The following MECOM variants were observed in gnomAD, a reference collection of about 807,000 sequenced individuals.
The protein encoded by MECOM is histone-lysine N-methyltransferase MECOM.
A neutral mutation model predicts 116.3 loss-of-function variants in MECOM; 13 were observed. The ratio of observed to expected loss-of-function variants is 0.11; its 90% CI spans 0.07 to 0.18. The LOEUF is 0.18. MECOM is among the 10% of genes least tolerant of loss of function. The pLI is 1.00. For synonymous variants in MECOM, 528 were observed against 535.2 expected (o/e 0.99, Z 0.19); for missense variants, 1,299 against 1,509.0 (o/e 0.86, Z 2.31).
chr3:169,145,882 C>T (rs1389945583), intron 2 of MECOM: 2 of 214,194 alleles, frequency 9.3e-6, no homozygotes, highest in Non-Finnish European at 1.9e-5. Flanking sequence ...ATCTGTTATA[C>T]GATTATTCAA....
chr3:169,400,599 T>A (rs772149930), intron 1 of MECOM, among the ~76,000 whole-genome samples: 2 of 152,110 alleles, frequency 1.3e-5, no homozygotes, highest in African/African-American at 4.8e-5. Context: ...TAAATAGAGG[T>A]GAAATTCGAG....
At chr3:169,542,683 T>C (rs1760233871) in intron 1 of MECOM, among the ~76,000 whole-genome samples, 1 of 152,184 alleles carries the variant, frequency 6.6e-6, no homozygotes, top group African/African-American at 2.4e-5. Flanking sequence ...ATTCAAACAA[T>C]GAGAGGCTAA....
At chr3:169,570,082 T>A (rs1364266932) in intron 1 of MECOM, among the ~76,000 whole-genome samples, 1 of 151,728 alleles carries the variant, frequency 6.6e-6, no homozygotes. Flanking sequence ...AATAGATAGA[T>A]CGCTAGCCAG....
intron 1 of MECOM, among the ~76,000 whole-genome samples, chr3:169,657,007 C>T (rs1775618868): frequency 1.3e-5 from 2 of 152,160 alleles, no homozygotes; most frequent in Non-Finnish European, 2.9e-5. Flanking sequence ...TATATATTTA[C>T]TCCTTCCAAC....
intron 2 of MECOM, among the ~76,000 whole-genome samples, chr3:169,344,386 AGT>A (rs1560156036): frequency 6.6e-6 from 1 of 152,194 alleles, no homozygotes; most frequent in African/African-American, 2.4e-5. Context: ...CATCAACTAC[AGT>A]GTGTTTCTCA....
chr3:169,618,212 G>A (rs1020375136), intron 1 of MECOM, among the ~76,000 whole-genome samples: 1 of 152,158 alleles, frequency 6.6e-6, no homozygotes, highest in Non-Finnish European at 1.5e-5. Flanking sequence ...ACTTGTCTAA[G>A]AAGGCCCAAC....
chr3:169,360,322 AAAAAAAAAAG>A lies in MECOM; in HGVS notation c.375+20855_375+20864del, dbSNP rs1447678982. ...AAAAAAAAAAAAAAAGTTACACCAA[AAAAAAAAAAG>A]AAAAAAAAAAAGAAAAAAGCTCCTA... On this transcript the variant is annotated intron_variant, in intron 2 of 16. Coordinates refer to ENST00000651503, the MANE Select transcript of MECOM (RefSeq NM_004991.4). 1.8e-4 allele frequency among the ~76,000 whole-genome samples: 27 copies of A among 147,796 alleles called. No homozygotes were observed. In the East Asian group the frequency reaches 2.6e-3, roughly 14 times the overall value.
chr3:169,525,398 T>G (rs1757849922), intron 1 of MECOM, among the ~76,000 whole-genome samples: 1 of 152,234 alleles, frequency 6.6e-6, no homozygotes, highest in African/African-American at 2.4e-5. Context: ...GCTATGTGAG[T>G]AAATCTTTCG....
chr3:169,131,550 G>A lies in MECOM; in HGVS notation c.511-19C>T. ...AGAATATCTTTAAAGACAAAATAAA[G>A]GTGGATGGAATCAGGAAAGAGAGAG... On this transcript the variant is annotated intron_variant, in intron 3 of 16. Transcript: ENST00000651503. The A allele has an allele frequency of 6.3e-7, 1 of 1,584,170 alleles. No homozygotes were observed.
At chr3:169,375,024 C>A (rs1168838104) in intron 2 of MECOM, among the ~76,000 whole-genome samples, 2 of 151,676 alleles carry the variant, frequency 1.3e-5, no homozygotes, top group Non-Finnish European at 2.9e-5. Context: ...CAAAGGGAGA[C>A]CCTGTCTCTA....
At chr3:169,135,118 T>C (rs1361378489) in intron 3 of MECOM, among the ~76,000 whole-genome samples, 2 of 152,132 alleles carry the variant, frequency 1.3e-5, no homozygotes, top group Non-Finnish European at 2.9e-5. Context: ...GTGAATTACA[T>C]ACCATCTGTG....
At chr3:169,592,827 A>G (rs1264499553) in intron 1 of MECOM, among the ~76,000 whole-genome samples, 2 of 147,028 alleles carry the variant, frequency 1.4e-5, no homozygotes, top group Non-Finnish European at 2.9e-5. Context: ...AGACACACAT[A>G]CACACATACA....
chr3:169,157,511 T>G (rs1028511682), intron 2 of MECOM, among the ~76,000 whole-genome samples: 5 of 152,198 alleles, frequency 3.3e-5, no homozygotes, highest in Non-Finnish European at 1.5e-5. Context: ...ATGATACATA[T>G]CAAATGGTAA....
intron 1 of MECOM, among the ~76,000 whole-genome samples, chr3:169,591,132 A>C (rs765679954): frequency 8.5e-5 from 13 of 152,200 alleles, no homozygotes; most frequent in Non-Finnish European, 1.3e-4. Context: ...ACACTACCTC[A>C]TCGAGAATAG....
chr3:169,202,763 T>A (rs1749335658), intron 2 of MECOM, among the ~76,000 whole-genome samples: 1 of 149,600 alleles, frequency 6.7e-6, no homozygotes, highest in Admixed American at 6.8e-5. Context: ...ACCCAACTCT[T>A]GCTCCCAAAA....
intron 1 of MECOM, among the ~76,000 whole-genome samples, chr3:169,624,119 C>A (rs1468100914): frequency 6.6e-6 from 1 of 152,224 alleles, no homozygotes; most frequent in Non-Finnish European, 1.5e-5. Flanking sequence ...GGGCCTGACA[C>A]ATGCCCAGGT....
intron 1 of MECOM, among the ~76,000 whole-genome samples, chr3:169,546,707 TAAAG>T (rs564334101): frequency 9.9e-5 from 15 of 151,780 alleles, no homozygotes; most frequent in South Asian, 4.2e-4. Context: ...TCCCCATCTC[TAAAG>T]AAAGAAAGAA....
At chr3:169,178,943 TAC>T (rs1464059657) in intron 2 of MECOM, among the ~76,000 whole-genome samples, 1 of 152,216 alleles carries the variant, frequency 6.6e-6, no homozygotes, top group East Asian at 1.9e-4. Context: ...ATCATGAAAT[TAC>T]AGTTTGTTAA....
chr3:169,182,859 C>T (rs1191467760), intron 2 of MECOM, among the ~76,000 whole-genome samples: 4 of 151,914 alleles, frequency 2.6e-5, no homozygotes, highest in Non-Finnish European at 5.9e-5. Context: ...ACTTGAACAC[C>T]TATCAGTATT....
Sources: gnomAD v4.1 joint callset for allele counts (sites outside exome capture counted in the v4.1 genomes callset) on GRCh38, gnomAD v4.1.1 for gene constraint, MANE v1.5 for transcripts, NCBI Gene and HGNC (gene_info 2026-07-23, HGNC 2026-07-21) for gene names.